ERCC6L2: variants seen among roughly 807,000 people sequenced by gnomAD.
ERCC6L2 encodes ERCC excision repair 6 like 2.
Under a neutral mutation model 132.0 loss-of-function variants are expected in ERCC6L2, and 77 were observed. That is an observed-to-expected ratio of 0.58 (90% CI 0.49 to 0.71). The LOEUF is 0.71. Among genes scored for constraint, ERCC6L2 ranks in the 30% least tolerant of loss-of-function variants. The probability of loss-of-function intolerance (pLI) is 0.00; values close to 1 mark genes in which losing one functional copy is unlikely to be tolerated. For synonymous variants in ERCC6L2, 583 were observed against 632.4 expected (o/e 0.92, Z 1.17); for missense variants, 1,542 against 1,837.6 (o/e 0.84, Z 2.94).
intron 17 of ERCC6L2, among the ~76,000 whole-genome samples, chr9:95,987,382 A>G (rs7862738): frequency 0.011 from 1,643 of 152,336 alleles, 43 homozygotes; most frequent in African/African-American, 0.038. Flanking sequence ...TCTAGATACA[A>G]TGGACGTACA....
intron 11 of ERCC6L2, among the ~76,000 whole-genome samples, chr9:95,935,290 CA>C (rs1052057324): frequency 3.9e-5 from 6 of 152,064 alleles, no homozygotes; most frequent in African/African-American, 1.4e-4. Flanking sequence ...GCATTTTAGG[CA>C]CAGAGAATAG....
chr9:95,972,379 C>G lies in ERCC6L2; in HGVS notation c.2628C>G (p.Ser876=), dbSNP rs1832456018. 9.4e-6 allele frequency: 12 copies of G among 1,276,668 alleles called. No individual in the cohort carries two copies. Among genetic ancestry groups the G allele is most frequent in the Non-Finnish European group, 1.2e-5 (12 of 983,304 alleles). 79.1% of individuals were successfully genotyped at this position (1,276,668 alleles called of 1,614,324 possible). A position where few individuals can be genotyped will look rare whatever the true frequency, so the allele number is the denominator to read the frequency against. ...SEKILEQNIS[S]KSDEKKIKNT... is the part of the protein sequence containing the mutation. ...AGATTTTAGAACAGAATATTTCTTC[C>G]AAGTCTGACGAGAAAAAAATTAAAA... Residue 876 remains serine (S), a synonymous_variant, in exon 16 of 19, where the codon TCC becomes TCG. Coordinates refer to ENST00000653738, the MANE Select transcript of ERCC6L2 (RefSeq NM_020207.7).
chr9:95,963,744 A>T (rs891392585), intron 13 of ERCC6L2, among the ~76,000 whole-genome samples: 1 of 152,002 alleles, frequency 6.6e-6, no homozygotes, highest in Non-Finnish European at 1.5e-5. Context: ...CAAGACCTTG[A>T]CAGCTTTAAA....
intron 16 of ERCC6L2, among the ~76,000 whole-genome samples, chr9:95,975,811 A>G (rs1172359890): frequency 1.3e-5 from 2 of 151,580 alleles, no homozygotes; most frequent in Non-Finnish European, 2.9e-5. Context: ...TGTTTCTCTT[A>G]AGGCTTATCT....
intron 1 of ERCC6L2, among the ~76,000 whole-genome samples, chr9:95,878,149 A>G (rs1004530009): frequency 6.6e-6 from 1 of 152,234 alleles, no homozygotes; most frequent in Admixed American, 6.5e-5. Flanking sequence ...CCTGTGGGCT[A>G]AAACTGGTCT....
intron 18 of ERCC6L2, 179 bp downstream of exon 18, chr9:96,004,880 G>A: frequency 2.8e-6 from 1 of 354,882 alleles, no homozygotes; most frequent in Non-Finnish European, 5.4e-6. Context: ...GCTAATCCCT[G>A]AATTGATTAC....
In ERCC6L2 at chr9:95,922,388, A is replaced by C. The variant is rs766589063; in HGVS notation, c.1383A>C (p.Leu461=). 1.2e-5 allele frequency: 20 copies of C among 1,612,438 alleles called. No homozygotes were observed. The highest frequency in any genetic ancestry group is 1.7e-5 in the Non-Finnish European group (20 of 1,178,712). The change falls in exon 8 of 19, where the codon CTA becomes CTC. Residue 461 remains leucine, a synonymous_variant. Transcript: ENST00000653738. ...VLQKVANHVA[L]LQAASTSKQQ... ...AGAAGGTAGCTAACCATGTCGCGCT[A>C]CTGCAAGCTGCTAGTACTTCCAAAC...
At chr9:95,910,139 G>C (rs1029263585) in intron 4 of ERCC6L2, among the ~76,000 whole-genome samples, 7 of 152,052 alleles carry the variant, frequency 4.6e-5, no homozygotes, top group African/African-American at 1.7e-4. Flanking sequence ...TTTCCTTTTC[G>C]ATTGGCTTAC....
chr9:95,917,234 A>G (rs143857805), intron 6 of ERCC6L2, among the ~76,000 whole-genome samples: 1 of 152,318 alleles, frequency 6.6e-6, no homozygotes, highest in African/African-American at 2.4e-5. Context: ...TTGTAGGAAA[A>G]CTACATTGTT....
intron 11 of ERCC6L2, among the ~76,000 whole-genome samples, chr9:95,936,287 C>G (rs538555111): frequency 2.0e-5 from 3 of 152,268 alleles, no homozygotes; most frequent in African/African-American, 7.2e-5. Flanking sequence ...AAAAAGAACT[C>G]TGGGTCCAGG....
At chr9:95,936,198 A>T (rs963310101) in intron 11 of ERCC6L2, among the ~76,000 whole-genome samples, 5 of 152,052 alleles carry the variant, frequency 3.3e-5, no homozygotes, top group Admixed American at 6.6e-5. Context: ...GGAGAAGAAG[A>T]AGTCTATAGT....
intron 2 of ERCC6L2, among the ~76,000 whole-genome samples, chr9:95,894,463 G>C (rs1440394962): frequency 6.6e-6 from 1 of 151,798 alleles, no homozygotes; most frequent in African/African-American, 2.4e-5. Context: ...CAAACATTTG[G>C]AGATTTTCTG....
intron 6 of ERCC6L2, 64 bp from the exon 7 acceptor site, chr9:95,921,111 A>T (rs1829846831): frequency 1.4e-6 from 2 of 1,423,616 alleles, no homozygotes; most frequent in African/African-American, 1.5e-5. Context: ...TCAGATGTAG[A>T]TTATGATTTT....
At chr9:95,936,936 A>T (rs1830581560) in intron 11 of ERCC6L2, among the ~76,000 whole-genome samples, 1 of 152,130 alleles carries the variant, frequency 6.6e-6, no homozygotes, top group Non-Finnish European at 1.5e-5. Flanking sequence ...AAATTCATCC[A>T]GTTGTTGTAT....
intron 12 of ERCC6L2, among the ~76,000 whole-genome samples, chr9:95,948,689 A>G (rs1564252350): frequency 6.6e-6 from 1 of 151,546 alleles, no homozygotes; most frequent in Non-Finnish European, 1.5e-5. Flanking sequence ...CTCAAGACAC[A>G]CCCTGCTAAT....
intron 17 of ERCC6L2, among the ~76,000 whole-genome samples, chr9:95,979,129 A>T (rs1832790262): frequency 6.6e-6 from 1 of 152,220 alleles, no homozygotes; most frequent in South Asian, 2.1e-4. Context: ...CCCAGATATT[A>T]TATTAAAATG....
chr9:96,021,990 C>T (rs1479064103), downstream of ERCC6L2, among the ~76,000 whole-genome samples: 1 of 152,180 alleles, frequency 6.6e-6, no homozygotes, highest in African/African-American at 2.4e-5. This position sits in a 1 kb window ranked among gnomAD's most constrained non-coding sequence, Gnocchi z 4.7. Flanking sequence ...ATCCCCCGGC[C>T]TCACGCCCAC....
At chr9:95,970,504 C>T (rs1832364037) in intron 14 of ERCC6L2, 72 bp from the exon 15 acceptor site, 2 of 853,532 alleles carry the variant, frequency 2.3e-6, no homozygotes, top group Non-Finnish European at 3.2e-6. Flanking sequence ...GCATGCATTG[C>T]TGTTGTTTAT....
chr9:95,992,048 A>G (rs1255256810), intron 17 of ERCC6L2, among the ~76,000 whole-genome samples: 2 of 152,228 alleles, frequency 1.3e-5, no homozygotes, highest in Non-Finnish European at 2.9e-5. Flanking sequence ...ATAAGCTTCA[A>G]CCAAAACAAT....
Sources: allele counts gnomAD v4.1 joint callset (sites outside exome capture counted in the v4.1 genomes callset), GRCh38; gene constraint gnomAD v4.1.1; non-coding constraint Gnocchi (gnomAD v3.1); transcripts MANE v1.5; gene names NCBI Gene and HGNC (gene_info 2026-07-23, HGNC 2026-07-21).